KAZN: variants seen among roughly 807,000 people sequenced by gnomAD.
The protein encoded by KAZN is kazrin, periplakin interacting protein, also known as kazrin.
A neutral mutation model predicts 87.4 loss-of-function variants in KAZN; 40 were observed. The ratio of observed to expected loss-of-function variants is 0.46; its 90% confidence interval spans 0.36 to 0.60. The LOEUF (loss-of-function observed/expected upper bound fraction) is 0.60. KAZN is among the 20% of genes least tolerant of loss of function. The pLI, the probability that KAZN is intolerant of heterozygous loss-of-function variation, is 0.00. For missense variants in KAZN, 898 were observed against 1,073.9 expected (o/e 0.84, Z 2.29); for synonymous variants, 466 against 458.3 (o/e 1.02, Z -0.22).
intron 1 of KAZN, among the ~76,000 whole-genome samples, chr1:14,655,087 G>A (rs1638702842): frequency 6.6e-6 from 1 of 152,198 alleles, no homozygotes; most frequent in Admixed American, 6.5e-5. Flanking sequence ...TGGGCCAGGG[G>A]TCTGAGGATT....
At chr1:14,784,097 G>C (rs919845828) in intron 1 of KAZN, among the ~76,000 whole-genome samples, 1 of 152,104 alleles carries the variant, frequency 6.6e-6, no homozygotes, top group Non-Finnish European at 1.5e-5. Context: ...GGTCTGGAAC[G>C]CACAGGGCAG....
chr1:14,096,608 G>A (rs572473754), intron 1 of KAZN, among the ~76,000 whole-genome samples: 15 of 152,280 alleles, frequency 9.9e-5, no homozygotes, highest in African/African-American at 3.4e-4. Context: ...CACTTACTAC[G>A]TGCCAGGCAC....
chr1:13,950,047 G>A (rs922437956), intron 1 of KAZN, among the ~76,000 whole-genome samples: 8 of 152,172 alleles, frequency 5.3e-5, no homozygotes, highest in African/African-American at 1.9e-4. Flanking sequence ...TTGCTCTGCA[G>A]CCCCCTCTTC....
intron 2 of KAZN, among the ~76,000 whole-genome samples, chr1:14,993,372 G>A (rs1471718220): frequency 6.6e-6 from 1 of 151,880 alleles, no homozygotes; most frequent in Admixed American, 6.6e-5. Context: ...AGGAGGCTGA[G>A]GCAGGAGAAT....
At chr1:14,801,447 T>C (rs1572517385) in intron 1 of KAZN, among the ~76,000 whole-genome samples, 2 of 152,222 alleles carry the variant, frequency 1.3e-5, no homozygotes, top group African/African-American at 2.4e-5. Flanking sequence ...GCTGGGTCCC[T>C]TCTCCGCAGG....
chr1:15,054,066 A>G (rs1674686493), intron 4 of KAZN, among the ~76,000 whole-genome samples: 1 of 151,992 alleles, frequency 6.6e-6, no homozygotes, highest in African/African-American at 2.4e-5. Context: ...ATGAGAGTGC[A>G]TCAGGCATTA....
At chr1:14,566,013 A>G (rs769446056) in intron 2 of KAZN, among the ~76,000 whole-genome samples, 24 of 152,346 alleles carry the variant, frequency 1.6e-4, no homozygotes, top group Non-Finnish European at 2.8e-4. Flanking sequence ...ATGAATTACA[A>G]ATGTTCTTAA....
chr1:14,961,847 A>G (rs1663906496), intron 2 of KAZN, among the ~76,000 whole-genome samples: 1 of 152,242 alleles, frequency 6.6e-6, no homozygotes, highest in Admixed American at 6.5e-5. Flanking sequence ...ACCCCAAAAC[A>G]CAGAGGCTTA....
intron 1 of KAZN, among the ~76,000 whole-genome samples, chr1:14,747,044 G>A (rs1233628608): frequency 6.6e-6 from 1 of 152,014 alleles, no homozygotes; most frequent in African/African-American, 2.4e-5. Context: ...CTGGCTCTAT[G>A]AGCTTGCCTA....
At chr1:13,942,573 TG>T in intron 1 of KAZN, among the ~76,000 whole-genome samples, 1 of 96,924 alleles carries the variant, frequency 1.0e-5, no homozygotes, top group East Asian at 2.4e-4. Context: ...AAAAAAAAAA[TG>T]TATATATATA....
chr1:14,918,531 C>T (rs1168205447), intron 1 of KAZN, among the ~76,000 whole-genome samples: 1 of 151,558 alleles, frequency 6.6e-6, no homozygotes, highest in Admixed American at 6.6e-5. Context: ...CAAAAATTAG[C>T]CGGACGTGGT....
At chr1:14,372,710 C>T (rs1030160062) in intron 2 of KAZN, among the ~76,000 whole-genome samples, 1 of 152,186 alleles carries the variant, frequency 6.6e-6, no homozygotes, top group Non-Finnish European at 1.5e-5. Flanking sequence ...CTCACTTCCT[C>T]TTGAGTCGCA....
chr1:14,809,503 G>A (rs1401455911), intron 1 of KAZN, among the ~76,000 whole-genome samples: 1 of 152,194 alleles, frequency 6.6e-6, no homozygotes, highest in East Asian at 1.9e-4. Flanking sequence ...TGTGAATGTA[G>A]AAACTTGCAA....
intron 2 of KAZN, among the ~76,000 whole-genome samples, chr1:14,500,329 C>A (rs745995241): frequency 6.6e-6 from 1 of 152,116 alleles, no homozygotes; most frequent in Non-Finnish European, 1.5e-5. Context: ...TATTCCCAAA[C>A]GTATTTGCAC....
At chr1:13,923,633 G>T (rs1198238071) in intron 1 of KAZN, among the ~76,000 whole-genome samples, 1 of 151,136 alleles carries the variant, frequency 6.6e-6, no homozygotes, top group Non-Finnish European at 1.5e-5. Flanking sequence ...TCATCATAAA[G>T]GTCATCATCC....
chr1:14,114,361 C>T (rs1367148127), intron 1 of KAZN, among the ~76,000 whole-genome samples: 1 of 152,028 alleles, frequency 6.6e-6, no homozygotes, highest in Admixed American at 6.6e-5. Flanking sequence ...CCCTGGGGAT[C>T]CCTGGGGAGG....
chr1:14,283,037 T>C (rs1345674840), intron 2 of KAZN, among the ~76,000 whole-genome samples: 1 of 152,178 alleles, frequency 6.6e-6, no homozygotes, highest in Non-Finnish European at 1.5e-5. Context: ...ATGGAAGCAT[T>C]CGCAGAGCAA....
chr1:14,387,077 T>C (rs1267706053), intron 2 of KAZN, among the ~76,000 whole-genome samples: 2 of 152,210 alleles, frequency 1.3e-5, no homozygotes, highest in Non-Finnish European at 2.9e-5. Context: ...CTTCCATCGC[T>C]GATACCCTTT....
At chr1:14,740,653 C>T (rs1400843310) in intron 1 of KAZN, among the ~76,000 whole-genome samples, 2 of 152,140 alleles carry the variant, frequency 1.3e-5, no homozygotes, top group Admixed American at 6.5e-5. Flanking sequence ...CCGCTCTGGC[C>T]GCCCGCACTC....
Sources: gnomAD v4.1 joint callset for allele counts (sites outside exome capture counted in the v4.1 genomes callset) on GRCh38, gnomAD v4.1.1 for gene constraint, MANE v1.5 for transcripts, NCBI Gene and HGNC (gene_info 2026-07-23, HGNC 2026-07-21) for gene names.